Variants in MED21 observed in about 807,000 individuals in gnomAD.
MED21 encodes mediator of RNA polymerase II transcription subunit 21.
MED21 carries 9 observed loss-of-function variants against 18.2 expected under a neutral mutation model. The observed-to-expected ratio is 0.49, with a 90% CI of 0.30 to 0.86. The LOEUF (loss-of-function observed/expected upper bound fraction) is 0.86. Among genes scored for constraint, MED21 ranks in the 40% least tolerant of loss-of-function variants. MED21 has a pLI of 0.07. For missense variants in MED21, 150 were observed against 170.9 expected (o/e 0.88, Z 0.68); for synonymous variants, 73 against 60.5 (o/e 1.21, Z -0.96).
Position 27,030,535 on chromosome 12 carries a change from A to G in MED21, c.*2074A>G, listed in dbSNP as rs1434164398. On this transcript the variant is annotated 3_prime_UTR_variant, in exon 4 of 4. Coordinates refer to ENST00000282892, the MANE Select transcript of MED21 (RefSeq NM_004264.5). Reference sequence around the variant, plus strand: ...GTAACCCAGGAACGAGAAACAGAATAAAACAATAGTAAACCTAAATTTTAT... The same window carrying G: ...GTAACCCAGGAACGAGAAACAGAATGAAACAATAGTAAACCTAAATTTTAT... 1 of 232,722 alleles carries G rather than the reference A, an allele frequency of 4.3e-6. No homozygotes were observed. The highest frequency in any genetic ancestry group is 8.2e-6 in the Non-Finnish European group (1 of 121,826). 14.4% of individuals were successfully genotyped at this position (232,722 alleles called of 1,614,324 possible).
chr12:27,038,520 G>C (rs944364258), intron 2 of MED21: 3 of 152,026 alleles, frequency 2.0e-5, no homozygotes, highest in African/African-American at 7.2e-5. Flanking sequence ...ATTCCAATTG[G>C]GATTTCTGTG....
chr12:27,034,758 C>G (rs1356585000), downstream of MED21, among the ~76,000 whole-genome samples: 2 of 152,034 alleles, frequency 1.3e-5, no homozygotes, highest in Admixed American at 1.3e-4. Context: ...ATAGTCAAAA[C>G]TCTTTTTTGG....
At chr12:27,038,214 G>A (rs1201468002) in intron 2 of MED21, 2 of 150,674 alleles carry the variant, frequency 1.3e-5, no homozygotes, top group African/African-American at 2.4e-5. Flanking sequence ...TCCATGGATA[G>A]GCTTCCCAAA....
intron 1 of MED21, among the ~76,000 whole-genome samples, chr12:27,024,693 A>G (rs1203734588): frequency 6.6e-6 from 1 of 152,230 alleles, no homozygotes; most frequent in Admixed American, 6.5e-5. Context: ...TTTGGAGAAA[A>G]GCCTTTAGGA....
In MED21 at chr12:27,028,789, A is replaced by T. The variant is rs1305323618; in HGVS notation, c.*328A>T. On this transcript the variant is annotated 3_prime_UTR_variant, in exon 4 of 4. Coordinates refer to ENST00000282892, the MANE Select transcript of MED21 (RefSeq NM_004264.5). ...ATGTCTCCATTTTGTTGTATTGGCCAGTACTTTTACAAATCAAAACATCTC... is the reference window on the plus strand; with the variant it reads ...ATGTCTCCATTTTGTTGTATTGGCCTGTACTTTTACAAATCAAAACATCTC... The T allele has an allele frequency of 9.9e-7, 1 of 1,008,108 alleles. No homozygotes were observed. The highest frequency in any genetic ancestry group is 1.2e-6 in the Non-Finnish European group (1 of 843,470). The allele number at this position is 1,008,108 out of a possible 1,614,324, so 62.4% of individuals were successfully genotyped here. A position where few individuals can be genotyped will look rare whatever the true frequency, so the allele number is the denominator to read the frequency against.
chr12:27,032,247 C>T (rs528428233), downstream of MED21, among the ~76,000 whole-genome samples: 16 of 152,224 alleles, frequency 1.1e-4, no homozygotes, highest in East Asian at 1.5e-3. Context: ...AAGTTACTAT[C>T]GTAACTGGTC....
chr12:27,027,476 C>A, intron 3 of MED21, 29 bp downstream of exon 3: 1 of 1,523,454 alleles, frequency 6.6e-7, no homozygotes, highest in Non-Finnish European at 9.1e-7. Flanking sequence ...GAGAATTTTA[C>A]CAGTAATAGA....
chr12:27,034,515 C>G (rs1477261026), downstream of MED21, among the ~76,000 whole-genome samples: 1 of 152,220 alleles, frequency 6.6e-6, no homozygotes, highest in Non-Finnish European at 1.5e-5. Context: ...GACACAATCA[C>G]AGTTCATTGC....
intron 1 of MED21, among the ~76,000 whole-genome samples, chr12:27,023,235 T>A (rs1941497211): frequency 6.6e-6 from 1 of 151,808 alleles, no homozygotes; most frequent in East Asian, 1.9e-4. Flanking sequence ...TTTGGGGACA[T>A]CTTTATGATA....
chr12:27,033,920 G>A (rs554309633), downstream of MED21, among the ~76,000 whole-genome samples: 1 of 152,132 alleles, frequency 6.6e-6, no homozygotes, highest in African/African-American at 2.4e-5. Context: ...AACAAGCTAA[G>A]TATCTAACTG....
intron 1 of MED21, chr12:27,022,953 C>T: frequency 1.7e-6 from 2 of 1,146,088 alleles, no homozygotes; most frequent in Non-Finnish European, 1.1e-6. Flanking sequence ...GTGGTGCTTA[C>T]GGGTTCTCTT....
downstream of MED21, among the ~76,000 whole-genome samples, chr12:27,032,540 C>T (rs4964033): frequency 0.16 from 24,868 of 152,126 alleles, 2,330 homozygotes; most frequent in African/African-American, 0.26. Context: ...CTCCCTGTCT[C>T]CTGCTTATGT....
downstream of MED21, among the ~76,000 whole-genome samples, chr12:27,033,786 A>G (rs931462923): frequency 1.3e-5 from 2 of 152,364 alleles, no homozygotes; most frequent in African/African-American, 4.8e-5. Flanking sequence ...AGATTAGAGC[A>G]TAATTCAGAA....
downstream of MED21, among the ~76,000 whole-genome samples, chr12:27,032,273 G>T (rs147834565): frequency 4.1e-4 from 63 of 152,300 alleles, no homozygotes; most frequent in African/African-American, 1.4e-3. Flanking sequence ...AGGAGAAGGG[G>T]TATCTGAATT....
At chr12:27,026,038 AT>A (rs1177252882) in intron 1 of MED21, among the ~76,000 whole-genome samples, 1 of 152,212 alleles carries the variant, frequency 6.6e-6, no homozygotes. Context: ...TGCCATAGAT[AT>A]TTACAAGTCA....
chr12:27,033,585 A>C (rs1267826340), downstream of MED21, among the ~76,000 whole-genome samples: 1 of 152,182 alleles, frequency 6.6e-6, no homozygotes, highest in Non-Finnish European at 1.5e-5. Context: ...TAGGAAAAAA[A>C]TCTCATGGAC....
At chr12:27,038,572 G>C (rs948284647) in intron 2 of MED21, 3 of 152,170 alleles carry the variant, frequency 2.0e-5, no homozygotes, top group African/African-American at 7.2e-5. Flanking sequence ...AGATATTCAT[G>C]AGGAAGGATA....
chr12:27,030,002 AG>A lies in MED21; in HGVS notation c.*1542del, dbSNP rs1187965423. On this transcript the variant is annotated 3_prime_UTR_variant, in exon 4 of 4. Coordinates refer to ENST00000282892, the MANE Select transcript of MED21 (RefSeq NM_004264.5). ...AGGAAACTTAGAATGGCAGGAATAA[AG>A]AAGGCATAATGTATAGGGTAAATAT... The A allele has an allele frequency of 6.1e-6, 1 of 165,050 alleles. No individual in the cohort carries two copies. The highest frequency in any genetic ancestry group is 2.4e-5 in the African/African-American group (1 of 41,638). 10.2% of individuals were successfully genotyped at this position (165,050 alleles called of 1,614,324 possible).
chr12:27,032,634 T>C (rs375919368), downstream of MED21, among the ~76,000 whole-genome samples: 27 of 152,260 alleles, frequency 1.8e-4, no homozygotes, highest in African/African-American at 5.5e-4. Context: ...AATCCCTCCT[T>C]CTTGTTACAT....
Sources: allele counts gnomAD v4.1 joint callset (sites outside exome capture counted in the v4.1 genomes callset), GRCh38; gene constraint gnomAD v4.1.1; transcripts MANE v1.5; gene names NCBI Gene and HGNC (gene_info 2026-07-23, HGNC 2026-07-21).